The following RIDA variants were observed in gnomAD, a reference collection of about 807,000 sequenced individuals.
RIDA encodes 2-iminobutanoate/2-iminopropanoate deaminase.
In RIDA, 17 loss-of-function variants were observed where a neutral mutation model predicts 17.8. The observed-to-expected ratio is 0.96, with a 90% CI of 0.65 to 1.43. RIDA has a LOEUF of 1.43. RIDA is among the 40% of genes most tolerant of loss of function. The pLI is 0.00. For missense variants in RIDA, 158 were observed against 161.7 expected (o/e 0.98, Z 0.12); for synonymous variants, 48 against 55.7 (o/e 0.86, Z 0.62).
chr8:98,113,915 T>TA (rs2130557005), intron 1 of RIDA: 1 of 152,350 alleles, frequency 6.6e-6, no homozygotes, highest in South Asian at 2.1e-4. Context: ...TCTCACTTTC[T>TA]TTACCTCCAA....
intron 1 of RIDA, among the ~76,000 whole-genome samples, chr8:98,114,491 A>ATTT (rs34996191): frequency 4.3e-4 from 61 of 142,228 alleles, no homozygotes; most frequent in African/African-American, 1.3e-3. Context: ...TACCCAGCTA[A>ATTT]TTTTTTTTTT....
intron 2 of RIDA, among the ~76,000 whole-genome samples, chr8:98,108,395 C>T (rs769298015): frequency 6.0e-5 from 9 of 150,602 alleles, no homozygotes; most frequent in South Asian, 2.1e-4. Flanking sequence ...TGTCATCTGA[C>T]GTCAATAATT....
chr8:98,116,671 G>T (rs1267512416), intron 1 of RIDA, among the ~76,000 whole-genome samples: 2 of 146,608 alleles, frequency 1.4e-5, no homozygotes, highest in Non-Finnish European at 3.0e-5. Context: ...AATTGTACAT[G>T]TTAAAGGGGG....
chr8:98,105,969 G>A lies in RIDA; in HGVS notation c.264C>T (p.Asp88=). ...KTTVLLADIN[D]FNTVNEIYKQ... The stretch of plus-strand genomic sequence containing the variant: ...TGTAGATTTCATTGACAGTATTGAA[G>A]TCATTTATGTCAGCCAGAAGAACAG... The change falls in exon 4 of 6, where the codon GAC becomes GAT. Residue 88 remains aspartate (D), a synonymous_variant. Transcript: ENST00000254878. The A allele has an allele frequency of 1.2e-6, 2 of 1,607,856 alleles. No individual in the cohort carries two copies. Among genetic ancestry groups the A allele is most frequent in the South Asian group, 1.1e-5 (1 of 90,924 alleles).
chr8:98,110,022 C>A (rs1250804805), intron 1 of RIDA, among the ~76,000 whole-genome samples: 1 of 152,190 alleles, frequency 6.6e-6, no homozygotes, highest in African/African-American at 2.4e-5. Context: ...GACACACACA[C>A]ATGCACCCAC....
At chr8:98,103,971 C>G (rs1815599793) in intron 5 of RIDA, among the ~76,000 whole-genome samples, 1 of 151,818 alleles carries the variant, frequency 6.6e-6, no homozygotes, top group African/African-American at 2.4e-5. Context: ...GATTCTGATT[C>G]TATGTTCATG....
At chr8:98,115,161 G>A (rs549627330) in intron 1 of RIDA, among the ~76,000 whole-genome samples, 3 of 152,188 alleles carry the variant, frequency 2.0e-5, no homozygotes, top group East Asian at 1.9e-4. Flanking sequence ...GCCGAGGTAG[G>A]TGGATCGCTT....
At chr8:98,115,390 A>G (rs980589065) in intron 1 of RIDA, among the ~76,000 whole-genome samples, 4 of 53,968 alleles carry the variant, frequency 7.4e-5, no homozygotes, top group Non-Finnish European at 1.1e-4. Flanking sequence ...TCTGCCTCCA[A>G]AAAAAAAAAA....
chr8:98,108,021 CG>C (rs1815658327), intron 2 of RIDA, among the ~76,000 whole-genome samples: 1 of 150,630 alleles, frequency 6.6e-6, no homozygotes, highest in African/African-American at 2.5e-5. Flanking sequence ...CTGCCCGCCT[CG>C]GCCTCCCAAA....
chr8:98,108,548 TAATCTC>T (rs1815666228), intron 2 of RIDA, 92 bp downstream of exon 2: 5 of 775,210 alleles, frequency 6.4e-6, no homozygotes, highest in Non-Finnish European at 1.1e-5. Flanking sequence ...ATTTATCTGT[TAATCTC>T]TATAAAACAA....
intron 1 of RIDA, among the ~76,000 whole-genome samples, chr8:98,112,132 G>A (rs1815737518): frequency 6.7e-6 from 1 of 149,280 alleles, no homozygotes; most frequent in African/African-American, 2.5e-5. Flanking sequence ...CAATATAGAT[G>A]TACTTTATTT....
chr8:98,117,063 C>A lies in RIDA; in HGVS notation c.34G>T (p.Ala12Ser). The change falls in exon 1 of 6, where the codon GCG becomes TCG. Residue 12 changes from alanine to serine, a missense_variant. Coordinates refer to ENST00000254878, the MANE Select transcript of RIDA (RefSeq NM_005836.3). Reference sequence around the variant, plus strand: ...GGTCCAATGGCCCCTGGGGCTTTCGCGGTGCTGATCACCCTTCTGATCAAG... The same window carrying A: ...GGTCCAATGGCCCCTGGGGCTTTCGAGGTGCTGATCACCCTTCTGATCAAG... Reference protein sequence around the residue: ...SSLIRRVISTAKAPGAIGPYS... With the variant: ...SSLIRRVISTSKAPGAIGPYS... 1 of 1,614,186 alleles carries A rather than the reference C, an allele frequency of 6.2e-7. No homozygotes were observed. The highest frequency in any genetic ancestry group is 1.1e-5 in the South Asian group (1 of 91,084).
intron 2 of RIDA, 46 bp downstream of exon 2, chr8:98,108,600 A>C (rs2130552204): frequency 8.5e-7 from 1 of 1,170,462 alleles, no homozygotes; most frequent in East Asian, 2.3e-5. Context: ...CTTCAACATT[A>C]AAAAGGTAGT....
At chr8:98,115,281 G>T (rs866446057) in intron 1 of RIDA, among the ~76,000 whole-genome samples, 7 of 151,152 alleles carry the variant, frequency 4.6e-5, no homozygotes, top group African/African-American at 1.7e-4. Flanking sequence ...CCAGCTACTT[G>T]GGAGGCTGAG....
chr8:98,116,856 C>G lies in RIDA; in HGVS notation c.65+176G>C, dbSNP rs576690125. On this transcript the variant is annotated intron_variant, in intron 1 of 5. Coordinates refer to ENST00000254878, the MANE Select transcript of RIDA (RefSeq NM_005836.3). ...AGAACGAGCAAAGTCCCATGGAGTG[C>G]AGGTTCCTGGTCCCATCGTGGCTCC... Among the ~76,000 whole-genome samples the G allele has an allele frequency of 4.2e-4, 64 of 152,340 alleles. 2 individuals carry two copies. The highest frequency in any genetic ancestry group is 3.4e-3 in the Middle Eastern group (1 of 294).
intron 2 of RIDA, among the ~76,000 whole-genome samples, chr8:98,106,978 C>T (rs187773092): frequency 5.3e-5 from 8 of 152,306 alleles, no homozygotes; most frequent in Admixed American, 3.3e-4. Flanking sequence ...CTCCCTCTCC[C>T]AAGTTTCCCT....
At chr8:98,115,176 T>C (rs1261754146) in intron 1 of RIDA, among the ~76,000 whole-genome samples, 1 of 151,784 alleles carries the variant, frequency 6.6e-6, no homozygotes, top group Non-Finnish European at 1.5e-5. Context: ...TCGCTTTAGG[T>C]CAGGAGTTCA....
intron 1 of RIDA, among the ~76,000 whole-genome samples, chr8:98,112,257 G>A (rs977256984): frequency 1.3e-5 from 2 of 149,700 alleles, no homozygotes; most frequent in South Asian, 4.2e-4. Context: ...CTTTCCCCTG[G>A]ATCCCAGGAG....
At chr8:98,103,683 C>A (rs796165574) in intron 5 of RIDA, among the ~76,000 whole-genome samples, 26 of 151,868 alleles carry the variant, frequency 1.7e-4, no homozygotes, top group African/African-American at 6.3e-4. Context: ...GTCGCCCAGG[C>A]TGGAGTGCAG....
Sources: allele counts gnomAD v4.1 joint callset (sites outside exome capture counted in the v4.1 genomes callset), GRCh38; gene constraint gnomAD v4.1.1; transcripts MANE v1.5; gene names NCBI Gene and HGNC (gene_info 2026-07-23, HGNC 2026-07-21).